Variants in ZBTB38 observed in about 807,000 individuals in gnomAD.
The protein encoded by ZBTB38 is zinc finger and BTB domain containing 38.
A neutral mutation model predicts 76.8 loss-of-function variants in ZBTB38; 20 were observed. That is an observed-to-expected ratio of 0.26 (90% CI 0.18 to 0.38). The LOEUF (loss-of-function observed/expected upper bound fraction) is 0.38, where lower values mean the gene tolerates loss of function less well. ZBTB38 is among the 10% of genes least tolerant of loss of function. The pLI, the probability that ZBTB38 is intolerant of heterozygous loss-of-function variation, is 1.00. For missense variants in ZBTB38, 1,082 were observed against 1,482.3 expected (o/e 0.73, Z 4.43); for synonymous variants, 504 against 544.2 (o/e 0.93, Z 1.03).
chr3:141,437,691 T>C (rs1188973639), intron 5 of ZBTB38, among the ~76,000 whole-genome samples: 3 of 152,206 alleles, frequency 2.0e-5, no homozygotes, highest in African/African-American at 7.2e-5. Flanking sequence ...AAAATACATA[T>C]GGATTCCAGG....
At chr3:141,425,319 A>G (rs2076188339) in intron 5 of ZBTB38, among the ~76,000 whole-genome samples, 3 of 152,246 alleles carry the variant, frequency 2.0e-5, no homozygotes, top group Admixed American at 2.0e-4. Context: ...CTCTACGTAT[A>G]CATTCAATAT....
upstream of ZBTB38, among the ~76,000 whole-genome samples, chr3:141,365,118 C>T (rs994126699): frequency 6.6e-6 from 1 of 151,858 alleles, no homozygotes; most frequent in Admixed American, 6.6e-5. Flanking sequence ...TTCATAACAG[C>T]CAAAAAGTGA....
In ZBTB38 at chr3:141,434,116, G is replaced by C. The variant is rs537660150; in HGVS notation, c.1-8273G>C. On this transcript the variant is annotated intron_variant, in intron 5 of 5. Transcript: ENST00000321464. ...CTGTACTCAAGGAGCTCATAGGGAA[G>C]ATATAAATGTGAACAAATGCATGAT... The C allele has an allele frequency of 5.1e-5, 41 of 809,130 alleles. No homozygotes were observed. The African/African-American group carries it at 5.2e-4, about 10-fold the overall frequency. The allele number at this position is 809,130 out of a possible 1,614,324, so 50.1% of individuals were successfully genotyped here.
At chr3:141,359,085 T>C (rs904549166) in intron 1 of ZBTB38, among the ~76,000 whole-genome samples, 2 of 152,172 alleles carry the variant, frequency 1.3e-5, no homozygotes, top group Admixed American at 6.5e-5. Context: ...CAAAGACATA[T>C]TATCTTACTA....
Position 141,404,556 on chromosome 3 carries a change from A to G in ZBTB38, c.-1+525A>G, listed in dbSNP as rs533359672. ...CAGACAAATATTGACGGCCCAGCAC[A>G]CTAAGCTCTACCTTGGAGCCATATA... On this transcript the variant is annotated intron_variant, in intron 5 of 5. Coordinates refer to ENST00000321464, the MANE Select transcript of ZBTB38 (RefSeq NM_001376113.1). 7.2e-5 allele frequency among the ~76,000 whole-genome samples: 11 copies of G among 152,314 alleles called. No individual in the cohort carries two copies. In the South Asian group the frequency reaches 8.3e-4, roughly 11 times the overall value.
intron 5 of ZBTB38, among the ~76,000 whole-genome samples, chr3:141,423,180 C>T (rs1034371687): frequency 4.6e-5 from 7 of 152,188 alleles, no homozygotes; most frequent in African/African-American, 1.7e-4. Context: ...CCACTCAACT[C>T]TCCACTTCAG....
intron 1 of ZBTB38, among the ~76,000 whole-genome samples, chr3:141,363,131 A>C (rs1943867774): frequency 6.6e-6 from 1 of 152,250 alleles, no homozygotes; most frequent in African/African-American, 2.4e-5. Flanking sequence ...GTCCGTGAGC[A>C]TAGATGATTC....
At chr3:141,324,909 C>A (rs1316995832) in intron 1 of ZBTB38, among the ~76,000 whole-genome samples, 1 of 152,002 alleles carries the variant, frequency 6.6e-6, no homozygotes, top group East Asian at 1.9e-4. Context: ...TAATAGCAGA[C>A]AAGCAGAATA....
intron 1 of ZBTB38, among the ~76,000 whole-genome samples, chr3:141,345,541 T>G (rs112308661): frequency 3.9e-5 from 6 of 152,284 alleles, no homozygotes; most frequent in African/African-American, 1.4e-4. Flanking sequence ...TCATAGTGCT[T>G]CTGCTAATTC....
chr3:141,432,141 A>G (rs1022270193), intron 5 of ZBTB38: 2 of 985,320 alleles, frequency 2.0e-6, no homozygotes, highest in Non-Finnish European at 2.4e-6. Context: ...TTGTCGGAAA[A>G]CTTTCCGCAG....
At chr3:141,334,465 C>CTTCCTTCT (rs1942956720) in intron 1 of ZBTB38, among the ~76,000 whole-genome samples, 1 of 146,324 alleles carries the variant, frequency 6.8e-6, no homozygotes, top group Non-Finnish European at 1.5e-5. Context: ...TCCTTCCTTC[C>CTTCCTTCT]TTCCTTCCTT....
intron 5 of ZBTB38, among the ~76,000 whole-genome samples, chr3:141,424,695 C>A (rs75296475): frequency 0.032 from 4,825 of 151,882 alleles, 153 homozygotes; most frequent in Admixed American, 0.091. Context: ...TAACTGCTGT[C>A]TGAATTAAGA....
intron 5 of ZBTB38, among the ~76,000 whole-genome samples, chr3:141,412,290 C>T (rs182039002): frequency 2.4e-4 from 36 of 152,248 alleles, no homozygotes; most frequent in Admixed American, 1.9e-3. Flanking sequence ...GCAAGTGCCT[C>T]GTATTCCCAA....
Position 141,351,920 on chromosome 3 carries a change from T to C in ZBTB38, c.-738-16701T>C, listed in dbSNP as rs1214708053. Among the ~76,000 whole-genome samples the C allele has an allele frequency of 2.6e-5, 4 of 152,168 alleles. No individual in the cohort carries two copies. The East Asian group carries it at 5.8e-4, about 22-fold the overall frequency. On this transcript the variant is annotated intron_variant, in intron 1 of 7. Coordinates refer to the ZBTB38 transcript ENST00000509842. Reference sequence around the variant, plus strand: ...AAGATACCATTTGAACCTCAGGTTGTTGGAGATTTCAATACAAAGATAAAG... The same window carrying C: ...AAGATACCATTTGAACCTCAGGTTGCTGGAGATTTCAATACAAAGATAAAG...
intron 1 of ZBTB38, among the ~76,000 whole-genome samples, chr3:141,363,147 A>T (rs1421458273): frequency 6.6e-6 from 1 of 152,230 alleles, no homozygotes; most frequent in Admixed American, 6.5e-5. Flanking sequence ...GATTCCCAGT[A>T]TAAACAATAC....
chr3:141,387,258 T>G (rs571974230), intron 4 of ZBTB38: 1 of 152,262 alleles, frequency 6.6e-6, no homozygotes, highest in African/African-American at 2.4e-5. Context: ...TACCTTTTTT[T>G]TTTTAACAAA....
Position 141,330,170 on chromosome 3 carries a change from G to A in ZBTB38, c.-739+5714G>A, listed in dbSNP as rs559098612. ...TCATGATGGGCACTGGGAGGTGTACGTGTCCAGTGTTGACTATAGCCAGTG... is the reference window on the plus strand; with the variant it reads ...TCATGATGGGCACTGGGAGGTGTACATGTCCAGTGTTGACTATAGCCAGTG... On this transcript the variant is annotated intron_variant, in intron 1 of 7. Coordinates refer to the ZBTB38 transcript ENST00000509842. 2.6e-4 allele frequency among the ~76,000 whole-genome samples: 39 copies of A among 152,240 alleles called. No individual in the cohort carries two copies. The South Asian group carries it at 4.6e-3, about 18-fold the overall frequency.
intron 1 of ZBTB38, among the ~76,000 whole-genome samples, chr3:141,331,854 G>A (rs1942863814): frequency 6.6e-6 from 1 of 152,224 alleles, no homozygotes; most frequent in Non-Finnish European, 1.5e-5. Flanking sequence ...GCTTGGACAG[G>A]ATTCTTCTGG....
rs1559950466 is a variant in ZBTB38 at position 141,422,699 on chromosome 3, TTC to T, written c.-1+18672_-1+18673del. Among the ~76,000 whole-genome samples, 8 of 152,260 alleles carry T rather than the reference TTC, an allele frequency of 5.3e-5. No individual in the cohort carries two copies. The South Asian group carries it at 1.7e-3, about 32-fold the overall frequency. On this transcript the variant is annotated intron_variant, in intron 5 of 5. Transcript: ENST00000321464. ...TCTGGTTGTTTGAACCCCTAACCTC[TTC>T]TCTGTTTATTCTTCACAGTGGGGCT...
Sources: gnomAD v4.1 joint callset for allele counts (sites outside exome capture counted in the v4.1 genomes callset) on GRCh38, gnomAD v4.1.1 for gene constraint, MANE v1.5 for transcripts, NCBI Gene and HGNC (gene_info 2026-07-23, HGNC 2026-07-21) for gene names.